Variants in GINM1 observed in about 807,000 individuals in gnomAD.
GINM1 encodes glycoprotein integral membrane protein 1.
GINM1 carries 29 observed loss-of-function variants against 37.8 expected under a neutral mutation model. The observed-to-expected ratio is 0.77, with a 90% CI of 0.57 to 1.05. The LOEUF (loss-of-function observed/expected upper bound fraction) is 1.05. Ranked by LOEUF, GINM1 falls within the 50% of genes least tolerant of loss-of-function variation. The probability of loss-of-function intolerance (pLI) is 0.00; values close to 1 mark genes in which losing one functional copy is unlikely to be tolerated. For missense variants in GINM1, 377 were observed against 397.9 expected (o/e 0.95, Z 0.45); for synonymous variants, 143 against 146.2 (o/e 0.98, Z 0.16).
At position 149,590,769 on chromosome 6, in the gene GINM1, A is replaced by G; in HGVS notation, c.924A>G (p.Thr308=). 2 of 1,604,222 alleles carry G rather than the reference A, an allele frequency of 1.2e-6. No individual in the cohort carries two copies. Among genetic ancestry groups the G allele is most frequent in the Middle Eastern group, 1.7e-4 (1 of 6,034 alleles). Reference sequence around the variant, plus strand: ...ATAAAGTGGACGTCATACCTGTGACAGCTATCAACTTATATCCAGATGGTC... The same window carrying G: ...ATAAAGTGGACGTCATACCTGTGACGGCTATCAACTTATATCCAGATGGTC... ...QLDKVDVIPV[T]AINLYPDGPE... is the part of the protein sequence containing the mutation. The change falls in exon 8 of 8, where the codon ACA becomes ACG. Residue 308 remains threonine (T), a synonymous_variant. Coordinates refer to ENST00000367419, the MANE Select transcript of GINM1 (RefSeq NM_138785.5).
At chr6:149,570,999 A>G (rs1483420069) in intron 1 of GINM1, among the ~76,000 whole-genome samples, 4 of 152,168 alleles carry the variant, frequency 2.6e-5, no homozygotes, top group African/African-American at 9.7e-5. Flanking sequence ...ATGCTTGTAT[A>G]AGAAACACAC....
intron 1 of GINM1, among the ~76,000 whole-genome samples, chr6:149,567,284 C>T (rs1777736507): frequency 6.6e-6 from 1 of 152,142 alleles, no homozygotes; most frequent in Non-Finnish European, 1.5e-5. Flanking sequence ...CCTACCTAGG[C>T]CAGTATCAGC....
intron 7 of GINM1, chr6:149,584,290 C>T (rs909083543): frequency 3.9e-5 from 6 of 152,308 alleles, no homozygotes; most frequent in Non-Finnish European, 8.8e-5. Flanking sequence ...GCCCATTAGT[C>T]ATTTTAATTA....
chr6:149,584,824 T>TAGAGAGAG (rs201551544), intron 7 of GINM1, among the ~76,000 whole-genome samples: 11 of 149,392 alleles, frequency 7.4e-5, no homozygotes, highest in African/African-American at 2.7e-4. Flanking sequence ...TGTATATATA[T>TAGAGAGAG]ATAGAGAGAG....
intron 3 of GINM1, among the ~76,000 whole-genome samples, chr6:149,573,876 A>G (rs1052117528): frequency 9.2e-5 from 14 of 151,872 alleles, no homozygotes; most frequent in African/African-American, 2.9e-4. Context: ...AAGAGCCAAG[A>G]AAATGAATTG....
chr6:149,578,828 A>T lies in GINM1; in HGVS notation c.284A>T (p.Asn95Ile), dbSNP rs1582735473. 6.4e-7 allele frequency: 1 copy of T among 1,573,434 alleles called. No individual in the cohort carries two copies. Among genetic ancestry groups the T allele is most frequent in the Non-Finnish European group, 8.7e-7 (1 of 1,153,366 alleles). The stretch of plus-strand genomic sequence containing the variant: ...ACTACTTTTTTTTTTATAGTGAAGA[A>T]TGAAAATCTTGAAAATTTGGAGGAA... ...RISCQTLIVK[N>I]ENLENLEEKE... The change falls in exon 4 of 8, where the codon AAT becomes ATT. Residue 95 changes from asparagine (N) to isoleucine (I), a missense_variant. Coordinates refer to ENST00000367419, the MANE Select transcript of GINM1 (RefSeq NM_138785.5).
chr6:149,586,237 G>A (rs891571755), intron 7 of GINM1, among the ~76,000 whole-genome samples: 2 of 152,148 alleles, frequency 1.3e-5, no homozygotes, highest in East Asian at 3.9e-4. Flanking sequence ...CAGCAGCTTC[G>A]CAAGGCAAAG....
chr6:149,566,709 G>T lies in GINM1; in HGVS notation c.120+175G>T, dbSNP rs1748654836. On this transcript the variant is annotated intron_variant, in intron 1 of 7. Coordinates refer to ENST00000367419, the MANE Select transcript of GINM1 (RefSeq NM_138785.5). This position sits in a 1 kb window ranked among gnomAD's most constrained non-coding sequence, Gnocchi z 4.4. Reference sequence around the variant, plus strand: ...AATGGGGGCGGCGTGGGAGGCCGAGGTAAGAGGAAAGGGACCCACTGGGGC... The same window carrying T: ...AATGGGGGCGGCGTGGGAGGCCGAGTTAAGAGGAAAGGGACCCACTGGGGC... Among the ~76,000 whole-genome samples, 1 of 152,206 alleles carries T rather than the reference G, an allele frequency of 6.6e-6. No individual in the cohort carries two copies. The highest frequency in any genetic ancestry group is 2.1e-4 in the South Asian group (1 of 4,836).
At chr6:149,570,161 T>A (rs867058888) in intron 1 of GINM1, among the ~76,000 whole-genome samples, 1 of 69,640 alleles carries the variant, frequency 1.4e-5, no homozygotes, top group East Asian at 5.3e-4. Context: ...TATATATATA[T>A]ATATATATAT....
chr6:149,574,186 G>T (rs35444751), intron 3 of GINM1, among the ~76,000 whole-genome samples: 20,525 of 151,480 alleles, frequency 0.14, 1,791 homozygotes, highest in Non-Finnish European at 0.2. Flanking sequence ...GAGTAGCTTG[G>T]ATTACAGGTG....
At position 149,566,621 on chromosome 6, in the gene GINM1, C is replaced by A; in HGVS notation, c.120+87C>A. The A allele has an allele frequency of 7.3e-7, 1 of 1,368,142 alleles. No individual in the cohort carries two copies. The highest frequency in any genetic ancestry group is 9.4e-7 in the Non-Finnish European group (1 of 1,058,500). 84.8% of individuals were successfully genotyped at this position (1,368,142 alleles called of 1,614,324 possible). The stretch of plus-strand genomic sequence containing the variant: ...GTCCACAGTGACGCTTCCCACATCC[C>A]ACCGGCGGGCAGGGGCGGGGGTCCG... On this transcript the variant is annotated intron_variant, in intron 1 of 7. Coordinates refer to ENST00000367419, the MANE Select transcript of GINM1 (RefSeq NM_138785.5). The surrounding 1 kb of genome is among the most constrained non-coding windows in gnomAD (Gnocchi z 4.4).
rs142032475 is a variant in GINM1, at chr6:149,574,497, C to A, written c.277+1894C>A. Among the ~76,000 whole-genome samples the A allele has an allele frequency of 2.5e-3, 381 of 152,284 alleles. 1 individual carries two copies. Among genetic ancestry groups the A allele is most frequent in the African/African-American group, 7.2e-3 (298 of 41,550 alleles). On this transcript the variant is annotated intron_variant, in intron 3 of 7. Coordinates refer to ENST00000367419, the MANE Select transcript of GINM1 (RefSeq NM_138785.5). The stretch of plus-strand genomic sequence containing the variant: ...TGTGTTTCTTTTTCTTCCCCCTTTG[C>A]CTTCTTCTAGGTTAGTTATTTTTGG...
rs1020922004 is a variant in GINM1, at chr6:149,574,341, C to T, written c.277+1738C>T. On this transcript the variant is annotated intron_variant, in intron 3 of 7. Transcript: ENST00000367419. ...TGCTGGGATTACAGGCGTGAGCCAC[C>T]GTGCCCGGCCCACTTGTTGTTTCTG... 2.1e-4 allele frequency among the ~76,000 whole-genome samples: 32 copies of T among 151,996 alleles called. 1 individual carries two copies. The highest frequency in any genetic ancestry group is 3.2e-3 in the Middle Eastern group (1 of 316).
intron 7 of GINM1, among the ~76,000 whole-genome samples, chr6:149,588,752 C>T (rs1291982845): frequency 6.6e-6 from 1 of 151,840 alleles, no homozygotes; most frequent in Non-Finnish European, 1.5e-5. Flanking sequence ...CTCAGCCTCC[C>T]AAGTAGCTGG....
In GINM1 at chr6:149,570,143, TATATATATATATATATATATA is replaced by T. The variant is rs1777790972; in HGVS notation, c.121-2141_121-2121del. Among the ~76,000 whole-genome samples the T allele has an allele frequency of 1.3e-3, 11 of 8,424 alleles. 1 individual carries two copies. Among genetic ancestry groups the T allele is most frequent in the African/African-American group, 1.9e-3 (11 of 5,874 alleles). 5.5% of individuals were successfully genotyped at this position (8,424 alleles called of 152,430 possible). A position where few individuals can be genotyped will look rare whatever the true frequency, so the allele number is the denominator to read the frequency against. On this transcript the variant is annotated intron_variant, in intron 1 of 7. Transcript: ENST00000367419. The stretch of plus-strand genomic sequence containing the variant: ...AATTTTACTAGGTAGGTTTTATATA[TATATATATATATATATATATA>T]TATATATATATATATATATATATAT...
chr6:149,588,526 T>G (rs1778107259), intron 7 of GINM1, among the ~76,000 whole-genome samples: 1 of 152,266 alleles, frequency 6.6e-6, no homozygotes, highest in African/African-American at 2.4e-5. Context: ...ATTCAAGGCC[T>G]AAGTAATTCA....
chr6:149,589,451 T>G (rs1392625365), intron 7 of GINM1, among the ~76,000 whole-genome samples: 2 of 151,494 alleles, frequency 1.3e-5, no homozygotes, highest in African/African-American at 4.9e-5. Context: ...TTATGTATTT[T>G]TAGTAGAGAC....
intron 3 of GINM1, among the ~76,000 whole-genome samples, chr6:149,574,912 A>G (rs1444900012): frequency 6.6e-6 from 1 of 152,184 alleles, no homozygotes; most frequent in Non-Finnish European, 1.5e-5. Flanking sequence ...TTGTACTTTT[A>G]TCACTTCCCA....
intron 1 of GINM1, among the ~76,000 whole-genome samples, chr6:149,567,086 TC>T (rs1758044147): frequency 6.6e-6 from 1 of 152,108 alleles, no homozygotes; most frequent in Admixed American, 6.6e-5. Context: ...GAGGAGAAGT[TC>T]TCACGGCGGG....
Sources: allele counts gnomAD v4.1 joint callset (sites outside exome capture counted in the v4.1 genomes callset), GRCh38; gene constraint gnomAD v4.1.1; non-coding constraint Gnocchi (gnomAD v3.1); transcripts MANE v1.5; gene names NCBI Gene and HGNC (gene_info 2026-07-23, HGNC 2026-07-21).